The following CFAP43 variants were observed in gnomAD, a reference collection of about 807,000 sequenced individuals.
The protein encoded by CFAP43 is cilia- and flagella-associated protein 43.
Under a neutral mutation model 218.9 loss-of-function variants are expected in CFAP43, and 155 were observed. The observed-to-expected ratio is 0.71, with a 90% CI of 0.62 to 0.81. The LOEUF (loss-of-function observed/expected upper bound fraction) is 0.81, where lower values mean the gene tolerates loss of function less well. CFAP43 is among the 30% of genes least tolerant of loss of function. CFAP43 has a pLI of 0.00. For missense variants in CFAP43, 1,778 were observed against 1,954.3 expected (o/e 0.91, Z 1.70); for synonymous variants, 645 against 681.3 (o/e 0.95, Z 0.83).
intron 34 of CFAP43, among the ~76,000 whole-genome samples, chr10:104,135,614 A>G (rs951274323): frequency 1.3e-5 from 2 of 152,198 alleles, no homozygotes; most frequent in Non-Finnish European, 2.9e-5. Flanking sequence ...GAATTAATAA[A>G]TCAATTCCAT....
chr10:104,146,414 G>T, intron 29 of CFAP43, 65 bp from the exon 30 acceptor site: 2 of 1,237,012 alleles, frequency 1.6e-6, no homozygotes, highest in South Asian at 2.4e-5. Flanking sequence ...AAAATATTGG[G>T]GATACTAAAA....
In CFAP43 at chr10:104,192,278, CAG is replaced by C. The variant is rs1459325794; in HGVS notation, c.1465_1466del (p.Leu489ValfsTer80). The C allele has an allele frequency of 6.2e-7, 1 of 1,612,242 alleles. No individual in the cohort carries two copies. Among genetic ancestry groups the C allele is most frequent in the African/African-American group, 1.3e-5 (1 of 74,878 alleles). ...CTTTTCCTTCTGCTGTTCCAACTAA[CAG>C]AAATATTCCTTGCTGATCATAACTA... ...HVVYDQQGIF[L>X]LVGTAEGKVF... On this transcript the variant is annotated frameshift_variant, in exon 12 of 38. Transcript: ENST00000357060. LOFTEE classifies it high-confidence loss of function.
Position 104,146,664 on chromosome 10 carries a change from C to T in CFAP43, c.3769-315G>A, listed in dbSNP as rs77050365. ...CTTCGGAATCACATGGACCTGGGTT[C>T]TGAGAGACTGGATATACATGCAAAC... On this transcript the variant is annotated intron_variant, in intron 29 of 37. Transcript: ENST00000357060. Among the ~76,000 whole-genome samples the T allele has an allele frequency of 1.4e-3, 213 of 152,204 alleles. 1 individual carries two copies. The highest frequency in any genetic ancestry group is 4.9e-3 in the African/African-American group (203 of 41,516).
At chr10:104,147,413 C>T (rs1030094219) in intron 29 of CFAP43, among the ~76,000 whole-genome samples, 3 of 151,976 alleles carry the variant, frequency 2.0e-5, no homozygotes, top group African/African-American at 7.2e-5. Flanking sequence ...TTTTAATGAA[C>T]CATATCTATC....
intron 1 of CFAP43, among the ~76,000 whole-genome samples, chr10:104,231,559 G>A (rs2091448016): frequency 6.6e-6 from 1 of 152,174 alleles, no homozygotes; most frequent in South Asian, 2.1e-4. Flanking sequence ...AAGGACACTG[G>A]TTTGGTGAGA....
intron 27 of CFAP43, among the ~76,000 whole-genome samples, chr10:104,153,272 C>A (rs1462999342): frequency 1.3e-5 from 2 of 151,960 alleles, no homozygotes; most frequent in African/African-American, 2.4e-5. Flanking sequence ...AAAATTCCAC[C>A]AGGACATAAG....
At chr10:104,198,118 G>T in intron 8 of CFAP43, 80 bp from the exon 9 acceptor site, 1 of 812,254 alleles carries the variant, frequency 1.2e-6, no homozygotes, top group Non-Finnish European at 2.0e-6. Context: ...AATGCCTACT[G>T]TAACCAAGGC....
intron 6 of CFAP43, among the ~76,000 whole-genome samples, chr10:104,207,081 C>T (rs117680878): frequency 5.9e-4 from 89 of 151,948 alleles, no homozygotes; most frequent in Non-Finnish European, 9.9e-4. Context: ...GGCTGAGACA[C>T]GAGATCGCTT....
chr10:104,178,027 A>G (rs1266501634), intron 19 of CFAP43, among the ~76,000 whole-genome samples: 1 of 152,224 alleles, frequency 6.6e-6, no homozygotes, highest in East Asian at 1.9e-4. Flanking sequence ...GCACCCCAGA[A>G]GCACAGATTT....
At chr10:104,178,763 A>G (rs1380898465) in intron 19 of CFAP43, among the ~76,000 whole-genome samples, 1 of 152,210 alleles carries the variant, frequency 6.6e-6, no homozygotes, top group Non-Finnish European at 1.5e-5. Flanking sequence ...GTATTATTTA[A>G]TCTGTAAAAA....
Position 104,179,864 on chromosome 10 carries a change from A to T in CFAP43, c.2358T>A (p.Pro786=). The change falls in exon 18 of 38, where the codon CCT becomes CCA. Residue 786 remains proline, a synonymous_variant. Transcript: ENST00000357060. ...CCTCTTGGCTTTTTTGTTGTATCCAAGGAATTTCCTTCTTAACATCGGTTA... is the reference window on the plus strand; with the variant it reads ...CCTCTTGGCTTTTTTGTTGTATCCATGGAATTTCCTTCTTAACATCGGTTA... The part of the protein sequence containing the change: ...LVLTDVKKEI[P]WIQQKSQEAI... The T allele has an allele frequency of 6.2e-7, 1 of 1,613,746 alleles. No individual in the cohort carries two copies. Among genetic ancestry groups the T allele is most frequent in the Non-Finnish European group, 8.5e-7 (1 of 1,179,846 alleles).
At position 104,145,541 on chromosome 10, in the gene CFAP43, CT is replaced by C. The variant is rs1176721019; in HGVS notation, c.3878del (p.Lys1293ArgfsTer48). 1 of 1,601,762 alleles carries C rather than the reference CT, an allele frequency of 6.2e-7. No individual in the cohort carries two copies. The highest frequency in any genetic ancestry group is 2.2e-5 in the East Asian group (1 of 44,654). ...EDKVMDRSFK[K>X]EFSEIPGHQV... is the part of the protein sequence containing the mutation. ...GATGACCAGGAATTTCAGAAAATTC[CT>C]TTTTAAAGCTGCGATCCATAACCTA... On this transcript the variant is annotated frameshift_variant, in exon 31 of 38. Coordinates refer to ENST00000357060, the MANE Select transcript of CFAP43 (RefSeq NM_025145.7). LOFTEE classifies it high-confidence loss of function.
intron 8 of CFAP43, among the ~76,000 whole-genome samples, chr10:104,198,983 T>A (rs185775116): frequency 6.6e-6 from 1 of 152,286 alleles, no homozygotes; most frequent in Admixed American, 6.5e-5. Flanking sequence ...TTACAAAACA[T>A]AACAAAACAT....
chr10:104,201,509 A>G (rs1326917375), intron 8 of CFAP43, among the ~76,000 whole-genome samples: 1 of 152,086 alleles, frequency 6.6e-6, no homozygotes, highest in African/African-American at 2.4e-5. Context: ...AGAAGTTGTA[A>G]CATGTGTACC....
intron 19 of CFAP43, 31 bp from the exon 20 acceptor site, chr10:104,172,566 A>G: frequency 2.6e-6 from 4 of 1,550,900 alleles, no homozygotes; most frequent in Non-Finnish European, 3.5e-6. Flanking sequence ...GAGTGCTGAC[A>G]AGTAAAGAAT....
intron 19 of CFAP43, 84 bp from the exon 20 acceptor site, chr10:104,172,619 A>C: frequency 8.4e-7 from 1 of 1,192,418 alleles, no homozygotes; most frequent in Non-Finnish European, 1.1e-6. Flanking sequence ...TTTAGGCAGC[A>C]ATCAATAAAA....
chr10:104,137,675 T>G (rs778301049), intron 34 of CFAP43, among the ~76,000 whole-genome samples: 3 of 152,076 alleles, frequency 2.0e-5, no homozygotes, highest in African/African-American at 4.8e-5. Flanking sequence ...CCAGGTGTGG[T>G]GGCACGTGCC....
At chr10:104,145,735 A>G (rs2087933382) in intron 30 of CFAP43, among the ~76,000 whole-genome samples, 171 bp from the exon 31 acceptor site, 1 of 152,218 alleles carries the variant, frequency 6.6e-6, no homozygotes. Context: ...TGTCTCAAAG[A>G]TTTGTTTTGA....
chr10:104,143,162 G>A (rs1311639673), intron 32 of CFAP43, among the ~76,000 whole-genome samples: 1 of 152,124 alleles, frequency 6.6e-6, no homozygotes, highest in African/African-American at 2.4e-5. Flanking sequence ...AGTTAGGACT[G>A]GCAATATTTA....
Sources: gnomAD v4.1 joint callset for allele counts (sites outside exome capture counted in the v4.1 genomes callset) on GRCh38, gnomAD v4.1.1 for gene constraint, MANE v1.5 for transcripts, NCBI Gene and HGNC (gene_info 2026-07-23, HGNC 2026-07-21) for gene names.